The following UNC13C variants were observed in gnomAD, a reference collection of about 807,000 sequenced individuals.
UNC13C encodes the protein protein unc-13 homolog C.
A neutral mutation model predicts 245.4 loss-of-function variants in UNC13C; 174 were observed. That is an observed-to-expected ratio of 0.71 (90% CI 0.63 to 0.80). The LOEUF (loss-of-function observed/expected upper bound fraction) is 0.80, where lower values mean the gene tolerates loss of function less well. UNC13C is among the 30% of genes least tolerant of loss of function. The pLI is 0.00. For synonymous variants in UNC13C, 992 were observed against 895.1 expected (o/e 1.11, Z -1.93); for missense variants, 2,829 against 2,602.9 (o/e 1.09, Z -1.89).
intron 4 of UNC13C, among the ~76,000 whole-genome samples, chr15:54,169,371 CGGATTT>C (rs1555426027): frequency 6.6e-6 from 1 of 152,120 alleles, no homozygotes; most frequent in Non-Finnish European, 1.5e-5. Flanking sequence ...TCCTAAATAT[CGGATTT>C]TCTCCATGTA....
At chr15:54,576,962 A>C (rs566549066) in intron 30 of UNC13C, among the ~76,000 whole-genome samples, 10 of 152,340 alleles carry the variant, frequency 6.6e-5, no homozygotes, top group African/African-American at 2.2e-4. Flanking sequence ...CAAATTGTGT[A>C]ATATAACATA....
chr15:54,359,280 T>C (rs373449444), intron 17 of UNC13C, among the ~76,000 whole-genome samples: 1 of 151,992 alleles, frequency 6.6e-6, no homozygotes, highest in East Asian at 1.9e-4. Context: ...CCTATAGTTT[T>C]CTTTTTTTGT....
chr15:54,340,364 C>A (rs2038699722), intron 17 of UNC13C, among the ~76,000 whole-genome samples: 1 of 152,146 alleles, frequency 6.6e-6, no homozygotes. Context: ...TTGGCTAAGC[C>A]AATGTCTAGA....
chr15:54,209,759 C>G (rs1040058646), intron 4 of UNC13C, among the ~76,000 whole-genome samples: 2 of 152,098 alleles, frequency 1.3e-5, no homozygotes, highest in East Asian at 3.9e-4. Context: ...CTAGAAGGTT[C>G]TACCTCTTAA....
the UNC13C span, among the ~76,000 whole-genome samples, chr15:53,919,349 A>G: frequency 6.6e-6 from 1 of 152,204 alleles, no homozygotes; most frequent in Non-Finnish European, 1.5e-5. Context: ...ATTGGCATGA[A>G]TAACAGAAGA....
intron 10 of UNC13C, among the ~76,000 whole-genome samples, chr15:54,270,985 G>A (rs997340130): frequency 2.6e-5 from 4 of 152,038 alleles, no homozygotes; most frequent in Non-Finnish European, 2.9e-5. Flanking sequence ...TTCAACTTTG[G>A]GATTTGGCCT....
At chr15:53,922,088 C>G in the UNC13C span, among the ~76,000 whole-genome samples, 560 of 152,250 alleles carry the variant, frequency 3.7e-3, 8 homozygotes, top group African/African-American at 0.013. Context: ...TTTATTTGGT[C>G]ATGCTTGAAA....
rs1477932694 is a variant in UNC13C, at chr15:54,237,643, C to A, written c.3181C>A (p.Leu1061Ile). 5.0e-6 allele frequency: 8 copies of A among 1,612,478 alleles called. No individual in the cohort carries two copies. The highest frequency in any genetic ancestry group is 5.9e-6 in the Non-Finnish European group (7 of 1,179,376). ...GACCCTGGCTGCCCGGAAATCTGGA[C>A]TCTCCCTGGCTATGGTGATTAGGAC... Reference protein sequence around the residue: ...AMTLAARKSGLSLAMVIRTSL... With the variant: ...AMTLAARKSGISLAMVIRTSL... The change falls in exon 7 of 33, where the codon CTC becomes ATC. Residue 1061 changes from leucine to isoleucine, a missense_variant. Coordinates refer to ENST00000260323, the MANE Select transcript of UNC13C (RefSeq NM_001080534.3).
intron 18 of UNC13C, among the ~76,000 whole-genome samples, chr15:54,395,096 A>G (rs1453425925): frequency 6.6e-6 from 1 of 151,702 alleles, no homozygotes; most frequent in Admixed American, 6.6e-5. Flanking sequence ...CTCTATTTGG[A>G]ATCCATTTTT....
At chr15:54,318,453 A>C (rs974954725) in intron 13 of UNC13C, among the ~76,000 whole-genome samples, 4 of 151,870 alleles carry the variant, frequency 2.6e-5, no homozygotes, top group African/African-American at 7.2e-5. Context: ...ATGTGGTCTT[A>C]ATCGGCATTT....
intron 19 of UNC13C, among the ~76,000 whole-genome samples, chr15:54,424,522 T>C (rs574644854): frequency 3.3e-5 from 5 of 151,938 alleles, no homozygotes; most frequent in East Asian, 3.9e-4. Flanking sequence ...TGGCTGCAAA[T>C]TGAGGAGAAG....
intron 17 of UNC13C, among the ~76,000 whole-genome samples, chr15:54,340,802 G>GT (rs1194242955): frequency 6.6e-6 from 1 of 152,136 alleles, no homozygotes; most frequent in East Asian, 1.9e-4. Context: ...TTTTAGGACT[G>GT]TTTTTTCTAG....
intron 4 of UNC13C, among the ~76,000 whole-genome samples, chr15:54,181,301 A>C (rs1258646456): frequency 6.6e-6 from 1 of 152,006 alleles, no homozygotes; most frequent in Non-Finnish European, 1.5e-5. Flanking sequence ...TGAAGATCAG[A>C]TGGCTGAAGA....
intron 2 of UNC13C, among the ~76,000 whole-genome samples, chr15:54,042,238 G>GA (rs1004290600): frequency 1.3e-5 from 2 of 152,048 alleles, no homozygotes; most frequent in African/African-American, 4.8e-5. Context: ...ATAATTGTCA[G>GA]AAAAATCTTA....
chr15:54,140,503 G>C (rs577978525), intron 2 of UNC13C, among the ~76,000 whole-genome samples: 1 of 152,202 alleles, frequency 6.6e-6, no homozygotes, highest in Non-Finnish European at 1.5e-5. Context: ...TTAGCAAAGA[G>C]GAATGCACAG....
chr15:53,895,556 C>T, the UNC13C span, among the ~76,000 whole-genome samples: 3 of 151,972 alleles, frequency 2.0e-5, no homozygotes, highest in South Asian at 4.2e-4. Context: ...TAAAAGATAT[C>T]CCAGCTGAAG....
At chr15:53,964,430 C>T in the UNC13C span, among the ~76,000 whole-genome samples, 5 of 152,124 alleles carry the variant, frequency 3.3e-5, no homozygotes, top group Admixed American at 2.6e-4. Flanking sequence ...CAGAGCTATC[C>T]CTATGGGTGT....
chr15:54,542,106 G>A (rs147102513), intron 26 of UNC13C, among the ~76,000 whole-genome samples: 30 of 152,176 alleles, frequency 2.0e-4, no homozygotes, highest in Admixed American at 7.9e-4. Context: ...CTAGGTGACC[G>A]ATATCAGAAA....
At chr15:54,110,556 T>C (rs1004805627) in intron 2 of UNC13C, among the ~76,000 whole-genome samples, 1 of 152,218 alleles carries the variant, frequency 6.6e-6, no homozygotes, top group Non-Finnish European at 1.5e-5. Flanking sequence ...TGGTTGTTGG[T>C]TTCAAAATGA....
Sources: allele counts gnomAD v4.1 joint callset (sites outside exome capture counted in the v4.1 genomes callset), GRCh38; gene constraint gnomAD v4.1.1; transcripts MANE v1.5; gene names NCBI Gene and HGNC (gene_info 2026-07-23, HGNC 2026-07-21).